PNPT1: variants seen among roughly 807,000 people sequenced by gnomAD.
PNPT1 encodes the protein polyribonucleotide nucleotidyltransferase 1, mitochondrial.
In PNPT1, 53 loss-of-function variants were observed where a neutral mutation model predicts 119.5. The observed-to-expected ratio is 0.44, with a 90% CI of 0.36 to 0.56. The LOEUF is 0.56. PNPT1 is among the 20% of genes least tolerant of loss of function. The pLI, the probability that PNPT1 is intolerant of heterozygous loss-of-function variation, is 0.00. For synonymous variants in PNPT1, 357 were observed against 322.1 expected, an observed-to-expected ratio of 1.11 and a Z score of -1.16; for missense variants, 948 against 938.5, an observed-to-expected ratio of 1.01 and a Z score of -0.13.
intron 7 of PNPT1, 118 bp downstream of exon 7, chr2:55,680,594 G>T: frequency 2.1e-6 from 2 of 935,374 alleles, no homozygotes; most frequent in Non-Finnish European, 3.3e-6. Context: ...ACGTCATCTA[G>T]TTCAATTCAT....
At chr2:55,669,086 T>A (rs1696826772) in intron 11 of PNPT1, among the ~76,000 whole-genome samples, 1 of 152,194 alleles carries the variant, frequency 6.6e-6, no homozygotes, top group African/African-American at 2.4e-5. Context: ...CATAATAACT[T>A]ATGAACTAAA....
Position 55,644,614 on chromosome 2 carries a change from C to G in PNPT1, c.1906+23G>C, listed in dbSNP as rs370402214. On this transcript the variant is annotated intron_variant, in intron 23 of 27. Transcript: ENST00000447944. ...ATGGTCTAGCATTTAATTAAAAAAC[C>G]CCAAACTTCATACAACTCTTACCTG... 7.6e-4 allele frequency: 1,176 copies of G among 1,556,630 alleles called. 3 individuals are homozygous for G. Among genetic ancestry groups the G allele is most frequent in the Non-Finnish European group, 9.1e-4 (1,030 of 1,131,032 alleles).
At chr2:55,677,199 G>A (rs889289667) in intron 8 of PNPT1, among the ~76,000 whole-genome samples, 4 of 152,252 alleles carry the variant, frequency 2.6e-5, no homozygotes, top group Admixed American at 1.3e-4. Flanking sequence ...AAATTTATGC[G>A]CTCTAGAGTC....
chr2:55,642,605 CAAAAAAAAAAAA>C (rs559417017), intron 25 of PNPT1, among the ~76,000 whole-genome samples: 8 of 44,224 alleles, frequency 1.8e-4, no homozygotes, highest in African/African-American at 2.9e-4. Context: ...GACTCTGTCC[CAAAAAAAAAAAA>C]AAAAAAAAAA....
Position 55,672,049 on chromosome 2 carries a change from AT to A in PNPT1, c.867-4del. 6.3e-7 allele frequency: 1 copy of A among 1,584,578 alleles called. No homozygotes were observed. The highest frequency in any genetic ancestry group is 8.6e-7 in the Non-Finnish European group (1 of 1,165,616). On this transcript the variant is annotated splice_polypyrimidine_tract_variant and splice_region_variant and intron_variant, in intron 9 of 27. Coordinates refer to ENST00000447944, the MANE Select transcript of PNPT1 (RefSeq NM_033109.5). ...CATAGAGTCTCTCCATAGCAAGTCT[AT>A]TTAAGCAGAAAATAAATGTTAGCAT...
chr2:55,658,092 C>T lies in PNPT1; in HGVS notation c.1285-1721G>A, dbSNP rs960878812. Among the ~76,000 whole-genome samples, 26 of 151,214 alleles carry T rather than the reference C, an allele frequency of 1.7e-4. 1 individual carries two copies. Among genetic ancestry groups the T allele is most frequent in the African/African-American group, 5.3e-4 (22 of 41,180 alleles). On this transcript the variant is annotated intron_variant, in intron 15 of 27. Coordinates refer to ENST00000447944, the MANE Select transcript of PNPT1 (RefSeq NM_033109.5). ...ATTTTGTAAAAAATCTAAAAATTAGCGGGGTGTGGTGGTGCCTGTAGTCCC... is the reference window on the plus strand; with the variant it reads ...ATTTTGTAAAAAATCTAAAAATTAGTGGGGTGTGGTGGTGCCTGTAGTCCC...
At chr2:55,654,760 G>C in intron 18 of PNPT1, 140 bp downstream of exon 18, 3 of 640,786 alleles carry the variant, frequency 4.7e-6, no homozygotes, top group South Asian at 2.2e-5. Flanking sequence ...CTTTTTTGTA[G>C]AGATGAGGTC....
intron 5 of PNPT1, among the ~76,000 whole-genome samples, chr2:55,681,524 TA>T (rs1697248622): frequency 6.6e-6 from 1 of 151,724 alleles, no homozygotes; most frequent in African/African-American, 2.4e-5. Flanking sequence ...AAGTATTCAG[TA>T]AATGTTAGCT....
chr2:55,636,233 A>AG lies in PNPT1; in HGVS notation c.*3_*4insC. ...AATTCTAGAATTCTCTTTAAAAAAA[A>AG]AAATCACTGAGAATTAGATGATGAC... On this transcript the variant is annotated 3_prime_UTR_variant, in exon 28 of 28. Coordinates refer to ENST00000447944, the MANE Select transcript of PNPT1 (RefSeq NM_033109.5). 6.2e-7 allele frequency: 1 copy of AG among 1,601,792 alleles called. No individual in the cohort carries two copies. Among genetic ancestry groups the AG allele is most frequent in the South Asian group, 1.1e-5 (1 of 88,654 alleles).
At chr2:55,693,156 T>C (rs946684085) in intron 1 of PNPT1, among the ~76,000 whole-genome samples, 12 of 152,208 alleles carry the variant, frequency 7.9e-5, no homozygotes, top group African/African-American at 2.9e-4. Flanking sequence ...GTTCAACTTC[T>C]ACAAGGTAGG....
intron 14 of PNPT1, 111 bp downstream of exon 14, chr2:55,661,845 A>C (rs1205563226): frequency 8.6e-6 from 9 of 1,044,836 alleles, no homozygotes; most frequent in Non-Finnish European, 1.2e-5. Context: ...AAAATGAAGT[A>C]CAAAAACACA....
At chr2:55,674,026 C>T (rs894380255) in intron 8 of PNPT1, among the ~76,000 whole-genome samples, 2 of 152,132 alleles carry the variant, frequency 1.3e-5, no homozygotes, top group Non-Finnish European at 2.9e-5. Flanking sequence ...CCTGGCAATA[C>T]ATATTTTAAA....
chr2:55,661,608 T>A (rs543781916), intron 14 of PNPT1, among the ~76,000 whole-genome samples: 1 of 152,166 alleles, frequency 6.6e-6, no homozygotes, highest in Non-Finnish European at 1.5e-5. Flanking sequence ...TTTTCAGCAA[T>A]GGGAGCTTTC....
At chr2:55,665,458 T>C (rs551926554) in intron 13 of PNPT1, among the ~76,000 whole-genome samples, 1 of 152,182 alleles carries the variant, frequency 6.6e-6, no homozygotes, top group African/African-American at 2.4e-5. Context: ...GAAGGAGACA[T>C]ATATATATAA....
intron 1 of PNPT1, among the ~76,000 whole-genome samples, chr2:55,693,315 G>A (rs1697681547): frequency 6.6e-6 from 1 of 152,126 alleles, no homozygotes; most frequent in South Asian, 2.1e-4. Context: ...CAGCATCCCG[G>A]GGGGCCTCGT....
chr2:55,643,908 T>C (rs1351987534), intron 23 of PNPT1, among the ~76,000 whole-genome samples: 1 of 152,176 alleles, frequency 6.6e-6, no homozygotes, highest in Non-Finnish European at 1.5e-5. Flanking sequence ...ACTTGCTAGG[T>C]ACCTGGCATT....
At chr2:55,650,788 C>A (rs1389942508) in intron 18 of PNPT1, among the ~76,000 whole-genome samples, 5 of 140,738 alleles carry the variant, frequency 3.6e-5, no homozygotes. Context: ...CCCCTCCGCC[C>A]GGCAGCCGCG....
rs945997854 is a variant in PNPT1 at position 55,693,761 on chromosome 2, G to A, written c.63C>T (p.Phe21=). ...LRLRPLSDGP[F]LLPRRDRALT... ...GTGCCCGATCCCGCCGTGGCAGAAG[G>A]AAAGGACCATCGCTCAGGGGCCGGA... Residue 21 remains phenylalanine, a synonymous_variant, in exon 1 of 28, where the codon TTC becomes TTT. Transcript: ENST00000447944. The A allele has an allele frequency of 2.8e-5, 45 of 1,614,078 alleles. No individual in the cohort carries two copies. The highest frequency in any genetic ancestry group is 1.6e-4 in the Middle Eastern group (1 of 6,084).
intron 4 of PNPT1, among the ~76,000 whole-genome samples, chr2:55,684,525 G>C (rs1697339310): frequency 6.6e-6 from 1 of 152,186 alleles, no homozygotes; most frequent in African/African-American, 2.4e-5. Flanking sequence ...AATATGTAGG[G>C]ATGTTAAAGA....
Sources: gnomAD v4.1 joint callset for allele counts (sites outside exome capture counted in the v4.1 genomes callset) on GRCh38, gnomAD v4.1.1 for gene constraint, MANE v1.5 for transcripts, NCBI Gene and HGNC (gene_info 2026-07-23, HGNC 2026-07-21) for gene names.